Variants in SLC13A5 observed in about 807,000 individuals in gnomAD.
SLC13A5 encodes Na(+)/citrate cotransporter.
Under a neutral mutation model 56.5 loss-of-function variants are expected in SLC13A5, and 25 were observed. That is an observed-to-expected ratio of 0.44 (90% confidence interval 0.32 to 0.62). The LOEUF (loss-of-function observed/expected upper bound fraction) is 0.62. Among genes scored for constraint, SLC13A5 ranks in the 20% least tolerant of loss-of-function variants. The probability of loss-of-function intolerance (pLI) is 0.04; values close to 1 mark genes in which losing one functional copy is unlikely to be tolerated. For synonymous variants in SLC13A5, 307 were observed against 301.5 expected (o/e 1.02, Z -0.19); for missense variants, 649 against 737.8 (o/e 0.88, Z 1.39).
intron 1 of SLC13A5, among the ~76,000 whole-genome samples, chr17:6,709,944 C>T (rs1973975783): frequency 6.6e-6 from 1 of 152,186 alleles, no homozygotes; most frequent in African/African-American, 2.4e-5. Context: ...AGACTGTCTC[C>T]AGGTTGGACA....
At chr17:6,700,205 T>C (rs8080021) in intron 6 of SLC13A5, among the ~76,000 whole-genome samples, 21,030 of 152,184 alleles carry the variant, frequency 0.14, 1,518 homozygotes, top group Non-Finnish European at 0.16. Flanking sequence ...AATAACTTTT[T>C]TTTAGCTATT....
At chr17:6,699,444 A>C (rs1249854705) in intron 6 of SLC13A5, among the ~76,000 whole-genome samples, 1 of 152,108 alleles carries the variant, frequency 6.6e-6, no homozygotes, top group Non-Finnish European at 1.5e-5. Flanking sequence ...TACTATCATT[A>C]TTATGATTGT....
chr17:6,699,420 A>C (rs1434162985), intron 6 of SLC13A5, among the ~76,000 whole-genome samples: 6 of 152,146 alleles, frequency 3.9e-5, no homozygotes, highest in Non-Finnish European at 8.8e-5. Flanking sequence ...AATGATCATT[A>C]ATATTGTCAT....
intron 6 of SLC13A5, among the ~76,000 whole-genome samples, chr17:6,699,087 A>G (rs1316963408): frequency 9.4e-6 from 1 of 106,786 alleles, no homozygotes; most frequent in African/African-American, 3.1e-5. Flanking sequence ...AAATAAATAA[A>G]TAAAATAAAA....
rs1331548862 is a variant in SLC13A5, at chr17:6,692,286, CGGACGGAT to C, written c.1275+750_1275+757del. On this transcript the variant is annotated intron_variant, in intron 9 of 11. Transcript: ENST00000433363. This position sits in a 1 kb window ranked among gnomAD's most constrained non-coding sequence, Gnocchi z 5.5. The stretch of plus-strand genomic sequence containing the variant: ...ATGGATGGATGGATGGACGGATGGA[CGGACGGAT>C]GGATGGATGAAGACATGAATAGATG... Among the ~76,000 whole-genome samples the C allele has an allele frequency of 1.4e-5, 2 of 144,500 alleles. No homozygotes were observed. Among genetic ancestry groups the C allele is most frequent in the African/African-American group, 2.7e-5 (1 of 37,186 alleles). 94.8% of individuals were successfully genotyped at this position (144,500 alleles called of 152,430 possible).
At chr17:6,706,216 G>C (rs1163039544) in intron 3 of SLC13A5, among the ~76,000 whole-genome samples, 1 of 152,160 alleles carries the variant, frequency 6.6e-6, no homozygotes, top group African/African-American at 2.4e-5. Flanking sequence ...TTTGCAGTGG[G>C]AATAGATGCT....
At chr17:6,707,336 A>T (rs1973898695) in intron 1 of SLC13A5, among the ~76,000 whole-genome samples, 180 bp from the exon 2 acceptor site, 1 of 152,052 alleles carries the variant, frequency 6.6e-6, no homozygotes, top group South Asian at 2.1e-4. Flanking sequence ...CAGGCCAGGG[A>T]TCTATTCGCA....
At chr17:6,698,764 G>A (rs1973625936) in intron 6 of SLC13A5, among the ~76,000 whole-genome samples, 1 of 152,172 alleles carries the variant, frequency 6.6e-6, no homozygotes, top group African/African-American at 2.4e-5. Context: ...TGGGCCAGGC[G>A]AGGTGGCTCA....
At chr17:6,698,496 T>G (rs1973619595) in intron 6 of SLC13A5, among the ~76,000 whole-genome samples, 1 of 152,146 alleles carries the variant, frequency 6.6e-6, no homozygotes, top group South Asian at 2.1e-4. Context: ...CCCCAACTAG[T>G]GTTTCTGACA....
Position 6,686,151 on chromosome 17 carries a change from A to T in SLC13A5, c.*56T>A. 1 of 1,609,914 alleles carries T rather than the reference A, an allele frequency of 6.2e-7. No individual in the cohort carries two copies. The highest frequency in any genetic ancestry group is 1.7e-5 in the Admixed American group (1 of 59,830). On this transcript the variant is annotated 3_prime_UTR_variant, in exon 12 of 12. Coordinates refer to ENST00000433363, the MANE Select transcript of SLC13A5 (RefSeq NM_177550.5). Reference sequence around the variant, plus strand: ...CAAAACTCTGTACAAGGTGTGCCAGAAGGTTCGGTAGTCCTGAGGAGGGTA... The same window carrying T: ...CAAAACTCTGTACAAGGTGTGCCAGTAGGTTCGGTAGTCCTGAGGAGGGTA...
At chr17:6,702,435 T>C (rs960430776) in intron 5 of SLC13A5, among the ~76,000 whole-genome samples, 1 of 152,172 alleles carries the variant, frequency 6.6e-6, no homozygotes, top group Non-Finnish European at 1.5e-5. Context: ...AAGGGGACTA[T>C]AACGAAGCAG....
intron 7 of SLC13A5, among the ~76,000 whole-genome samples, 193 bp from the exon 8 acceptor site, chr17:6,694,390 G>A (rs184394466): frequency 4.6e-5 from 7 of 152,200 alleles, no homozygotes; most frequent in Admixed American, 1.3e-4. Context: ...AGGCTGAGGC[G>A]GGCGGATCAC....
In SLC13A5 at chr17:6,695,961, G is replaced by A; in HGVS notation, c.840-20C>T. The A allele has an allele frequency of 6.2e-7, 1 of 1,611,718 alleles. No homozygotes were observed. Among genetic ancestry groups the A allele is most frequent in the African/African-American group, 1.3e-5 (1 of 74,964 alleles). On this transcript the variant is annotated intron_variant, in intron 6 of 11. Coordinates refer to ENST00000433363, the MANE Select transcript of SLC13A5 (RefSeq NM_177550.5). ...TTAAAACTGGAGAATGCAAAGATGA[G>A]AGAAGGGCAGGGCAGACTGGTTGGC...
chr17:6,708,072 A>G (rs1425819893), intron 1 of SLC13A5, among the ~76,000 whole-genome samples: 3 of 152,180 alleles, frequency 2.0e-5, no homozygotes, highest in Non-Finnish European at 2.9e-5. Context: ...TCCCGGGTTC[A>G]AGCGATTCTC....
At chr17:6,700,951 G>A (rs117616118) in intron 6 of SLC13A5, 53 bp downstream of exon 6, 975 of 1,609,156 alleles carry the variant, frequency 6.1e-4, no homozygotes, top group Non-Finnish European at 7.9e-4. Context: ...GGGCTCTTCT[G>A]CAGCTTTGAG....
chr17:6,706,678 A>C lies in SLC13A5; in HGVS notation c.332T>G (p.Leu111Arg), dbSNP rs1597676610. The C allele has an allele frequency of 6.2e-7, 1 of 1,613,826 alleles. No individual in the cohort carries two copies. Among genetic ancestry groups the C allele is most frequent in the South Asian group, 1.1e-5 (1 of 91,006 alleles). Residue 111 changes from leucine to arginine, a missense_variant, in exon 3 of 12, where the codon CTG (leucine) becomes CGG (arginine). Transcript: ENST00000433363. The stretch of plus-strand genomic sequence containing the variant: ...GGCCCCCACCCAGAGGAGCGTGCGC[A>C]GGGCGATCCTCTTGTGCAGGTTCCA... Reference protein sequence around the residue: ...ERWNLHKRIALRTLLWVGAKP... With the variant: ...ERWNLHKRIARRTLLWVGAKP...
At chr17:6,707,504 AAGG>A (rs1252475137) in intron 1 of SLC13A5, among the ~76,000 whole-genome samples, 1 of 152,084 alleles carries the variant, frequency 6.6e-6, no homozygotes, top group Non-Finnish European at 1.5e-5. Context: ...AAAGAAGGAG[AAGG>A]AGGAGAAGGA....
chr17:6,701,176 GC>G lies in SLC13A5; in HGVS notation c.717-51del. 6.2e-7 allele frequency: 1 copy of G among 1,607,952 alleles called. No individual in the cohort carries two copies. The highest frequency in any genetic ancestry group is 8.5e-7 in the Non-Finnish European group (1 of 1,177,130). Reference sequence around the variant, plus strand: ...CTCAGATGCTGAGCTGTGGGAGCCAGCCTGGCCCTGTGCGTGGGGACGGAGC... The same window carrying G: ...CTCAGATGCTGAGCTGTGGGAGCCAGCTGGCCCTGTGCGTGGGGACGGAGC... On this transcript the variant is annotated intron_variant, in intron 5 of 11. Transcript: ENST00000433363. This position sits in a 1 kb window ranked among gnomAD's most constrained non-coding sequence, Gnocchi z 4.1.
At chr17:6,700,200 CT>C (rs1270592533) in intron 6 of SLC13A5, among the ~76,000 whole-genome samples, 3 of 152,030 alleles carry the variant, frequency 2.0e-5, no homozygotes, top group Non-Finnish European at 4.4e-5. Flanking sequence ...AAAACAATAA[CT>C]TTTTTTTAGC....
Sources: gnomAD v4.1 joint callset for allele counts (sites outside exome capture counted in the v4.1 genomes callset) on GRCh38, gnomAD v4.1.1 for gene constraint, Gnocchi (gnomAD v3.1) non-coding constraint, MANE v1.5 for transcripts, NCBI Gene and HGNC (gene_info 2026-07-23, HGNC 2026-07-21) for gene names.